The following CSMD1 variants were observed in gnomAD, a reference collection of about 807,000 sequenced individuals.
CSMD1 encodes CUB and sushi domain-containing protein 1.
Under a neutral mutation model 417.5 loss-of-function variants are expected in CSMD1, and 213 were observed. The ratio of observed to expected loss-of-function variants is 0.51; its 90% CI spans 0.46 to 0.57. The LOEUF (loss-of-function observed/expected upper bound fraction) is 0.57. Ranked by LOEUF, CSMD1 falls within the 20% of genes least tolerant of loss-of-function variation. The pLI is 0.00. For synonymous variants in CSMD1, 2,862 were observed against 1,736.8 expected (o/e 1.65, Z -16.11); for missense variants, 6,923 against 4,529.7 (o/e 1.53, Z -15.17).
intron 7 of CSMD1, among the ~76,000 whole-genome samples, chr8:3,684,868 C>A (rs1296285728): frequency 6.6e-6 from 1 of 152,140 alleles, no homozygotes; most frequent in Non-Finnish European, 1.5e-5. Flanking sequence ...AGAATTCTTA[C>A]ATACTTTATT....
intron 3 of CSMD1, among the ~76,000 whole-genome samples, chr8:4,047,409 A>G (rs1798203037): frequency 6.6e-6 from 1 of 152,216 alleles, no homozygotes; most frequent in Non-Finnish European, 1.5e-5. Context: ...TATTGCGGAA[A>G]AAATAAATTG....
intron 3 of CSMD1, among the ~76,000 whole-genome samples, chr8:4,149,114 C>A (rs1282046480): frequency 6.6e-6 from 1 of 152,038 alleles, no homozygotes; most frequent in African/African-American, 2.4e-5. Flanking sequence ...CAGGCGTGTA[C>A]CACCACACCC....
chr8:4,000,481 A>G (rs955990088), intron 4 of CSMD1, among the ~76,000 whole-genome samples: 19 of 152,340 alleles, frequency 1.2e-4, no homozygotes, highest in African/African-American at 4.6e-4. Flanking sequence ...GCTACTACTG[A>G]GATTCAGATA....
chr8:4,628,897 T>A (rs1463843874), intron 2 of CSMD1, among the ~76,000 whole-genome samples: 7 of 152,150 alleles, frequency 4.6e-5, no homozygotes, highest in Non-Finnish European at 8.8e-5. Flanking sequence ...CGCCTTTTAT[T>A]AAAAGAGAAT....
intron 2 of CSMD1, among the ~76,000 whole-genome samples, chr8:4,585,367 T>C (rs750306002): frequency 6.6e-6 from 1 of 152,152 alleles, no homozygotes; most frequent in African/African-American, 2.4e-5. Context: ...GAAAAAAGGT[T>C]AATACACAAT....
intron 37 of CSMD1, among the ~76,000 whole-genome samples, chr8:3,179,733 C>T (rs1373219165): frequency 6.6e-6 from 1 of 152,128 alleles, no homozygotes; most frequent in Non-Finnish European, 1.5e-5. Flanking sequence ...CTATCATAAA[C>T]AAGGCTTATG....
intron 1 of CSMD1, among the ~76,000 whole-genome samples, chr8:4,918,965 C>T (rs916643049): frequency 6.6e-6 from 1 of 152,000 alleles, no homozygotes; most frequent in Non-Finnish European, 1.5e-5. Flanking sequence ...TTTTCCTTTG[C>T]TATTACGATT....
At chr8:3,599,716 A>T (rs117982754) in intron 8 of CSMD1, among the ~76,000 whole-genome samples, 5 of 152,296 alleles carry the variant, frequency 3.3e-5, no homozygotes, top group Admixed American at 1.3e-4. Context: ...GCATGCCCAG[A>T]TTGGCGCCAA....
chr8:3,337,544 G>A (rs1041810987), intron 23 of CSMD1, among the ~76,000 whole-genome samples: 32 of 152,270 alleles, frequency 2.1e-4, no homozygotes, highest in African/African-American at 7.5e-4. Flanking sequence ...GATGTTCTCG[G>A]TAAGCGATGG....
chr8:4,063,309 G>A (rs1031307866), intron 3 of CSMD1, among the ~76,000 whole-genome samples: 2 of 151,598 alleles, frequency 1.3e-5, no homozygotes, highest in Non-Finnish European at 2.9e-5. Context: ...TAGTTACAAT[G>A]TAAAAAATAA....
chr8:3,505,549 G>A (rs143480020), intron 10 of CSMD1, among the ~76,000 whole-genome samples: 5 of 152,240 alleles, frequency 3.3e-5, no homozygotes, highest in Admixed American at 1.3e-4. Flanking sequence ...ATAGGAATAC[G>A]TCACCTCACA....
chr8:4,866,386 C>G (rs899767197), intron 1 of CSMD1, among the ~76,000 whole-genome samples: 4 of 151,978 alleles, frequency 2.6e-5, no homozygotes, highest in Non-Finnish European at 5.9e-5. Context: ...GAGTAACCTC[C>G]TGTGGTTAAC....
At chr8:3,735,273 C>G (rs552908824) in intron 6 of CSMD1, among the ~76,000 whole-genome samples, 3 of 152,086 alleles carry the variant, frequency 2.0e-5, no homozygotes, top group South Asian at 2.1e-4. Context: ...AGATCCAAAA[C>G]TTGGCTTATA....
intron 9 of CSMD1, among the ~76,000 whole-genome samples, 178 bp from the exon 10 acceptor site, chr8:3,575,244 C>T (rs574562919): frequency 4.0e-5 from 6 of 151,634 alleles, no homozygotes; most frequent in African/African-American, 9.7e-5. Flanking sequence ...ATTGCTCAGC[C>T]GGCAGGACTT....
chr8:3,431,834 G>T (rs1210449143), intron 12 of CSMD1, among the ~76,000 whole-genome samples: 2 of 152,132 alleles, frequency 1.3e-5, no homozygotes, highest in African/African-American at 2.4e-5. Context: ...CCATACAATT[G>T]TCATTTCCTA....
intron 10 of CSMD1, among the ~76,000 whole-genome samples, chr8:3,546,688 T>A (rs980808531): frequency 1.3e-5 from 2 of 152,106 alleles, no homozygotes; most frequent in African/African-American, 2.4e-5. Flanking sequence ...TATAAACAGC[T>A]GGACAAATCT....
intron 3 of CSMD1, among the ~76,000 whole-genome samples, chr8:4,400,401 T>C (rs563756021): frequency 5.9e-5 from 9 of 152,236 alleles, no homozygotes; most frequent in African/African-American, 1.9e-4. Flanking sequence ...TGTTTGCCGT[T>C]CCAGGAGCAT....
chr8:4,745,181 T>G (rs1215601290), intron 1 of CSMD1, among the ~76,000 whole-genome samples: 1 of 152,292 alleles, frequency 6.6e-6, no homozygotes, highest in South Asian at 2.1e-4. Context: ...TTCTAATCAA[T>G]GAAACCTTAA....
intron 2 of CSMD1, among the ~76,000 whole-genome samples, chr8:4,539,149 T>A (rs1405667502): frequency 6.6e-6 from 1 of 152,224 alleles, no homozygotes; most frequent in African/African-American, 2.4e-5. Context: ...AAATGGATTT[T>A]TTTGTGGGTG....
Sources: gnomAD v4.1 joint callset for allele counts (sites outside exome capture counted in the v4.1 genomes callset) on GRCh38, gnomAD v4.1.1 for gene constraint, MANE v1.5 for transcripts, NCBI Gene and HGNC (gene_info 2026-07-23, HGNC 2026-07-21) for gene names.